Variants in UGT2A1 observed in about 807,000 individuals in gnomAD.
The protein encoded by UGT2A1 is UDP glucuronosyltransferase family 2 member A1 complex locus, also known as UDP-glucuronosyltransferase 2A1.
In UGT2A1, 61 loss-of-function variants were observed where a neutral mutation model predicts 45.4. That is an observed-to-expected ratio of 1.34 (90% CI 1.09 to 1.66). The LOEUF (loss-of-function observed/expected upper bound fraction) is 1.66, where lower values mean the gene tolerates loss of function less well. UGT2A1 is among the 40% of genes most tolerant of loss of function. The pLI, the probability that UGT2A1 is intolerant of heterozygous loss-of-function variation, is 0.00. For missense variants in UGT2A1, 649 were observed against 574.3 expected (o/e 1.13, Z -1.33); for synonymous variants, 229 against 196.2 (o/e 1.17, Z -1.40).
chr4:69,631,385 A>C (rs1430956142), intron 3 of UGT2A1, among the ~76,000 whole-genome samples: 1 of 152,160 alleles, frequency 6.6e-6, no homozygotes, highest in Admixed American at 6.5e-5. Context: ...ATTAGTAATA[A>C]TAATCCAAAT....
intron 2 of UGT2A1, among the ~76,000 whole-genome samples, chr4:69,638,510 A>T (rs1721847830): frequency 6.6e-6 from 1 of 152,146 alleles, no homozygotes; most frequent in African/African-American, 2.4e-5. Flanking sequence ...CTTTCTGCAG[A>T]CAAAGAAAAT....
At chr4:69,649,052 C>T (rs1289475310) in intron 1 of UGT2A1, among the ~76,000 whole-genome samples, 3 of 152,048 alleles carry the variant, frequency 2.0e-5, no homozygotes, top group Admixed American at 6.6e-5. Context: ...AAAGCGATCT[C>T]TGTGAAAATA....
Position 69,589,566 on chromosome 4 carries a change from A to G in UGT2A1, c.1390T>C (p.Phe464Leu), listed in dbSNP as rs747808890. Reference sequence around the variant, plus strand: ...TTGGCTCCTTTGTGGCGCATGACAAACTCGATCCAGAAGACTGCTCGATCC... The same window carrying G: ...TTGGCTCCTTTGTGGCGCATGACAAGCTCGATCCAGAAGACTGCTCGATCC... ...PLDRAVFWIE[F>L]VMRHKGAKHL... Residue 464 changes from phenylalanine (F) to leucine (L), a missense_variant, in exon 7 of 7, where the codon TTT becomes CTT. By Grantham distance (22) the Phe-to-Leu change is conservative. Transcript: ENST00000286604. 5 of 1,613,940 alleles carry G rather than the reference A, an allele frequency of 3.1e-6. No individual in the cohort carries two copies. In the Admixed American group the frequency reaches 5.0e-5, roughly 16 times the overall value.
intron 3 of UGT2A1, among the ~76,000 whole-genome samples, chr4:69,616,068 G>A (rs1341526409): frequency 1.3e-5 from 2 of 151,974 alleles, no homozygotes; most frequent in Non-Finnish European, 2.9e-5. Flanking sequence ...CAATAACTTG[G>A]ATGAATCTAG....
intron 3 of UGT2A1, among the ~76,000 whole-genome samples, chr4:69,623,981 CAT>C (rs1720898822): frequency 6.6e-6 from 1 of 151,558 alleles, no homozygotes; most frequent in African/African-American, 2.4e-5. Context: ...GTAACAAAAA[CAT>C]GTAATTTTCA....
In UGT2A1 at chr4:69,588,561, T is replaced by C. The variant is rs185812401; in HGVS notation, c.*811A>G. On this transcript the variant is annotated 3_prime_UTR_variant, in exon 7 of 7. Transcript: ENST00000286604. The stretch of plus-strand genomic sequence containing the variant: ...AATTATTTGTACAGTTGACTAAAAA[T>C]TTTATAAAAATGATAATTATTTTCT... 1 of 152,112 alleles carries C rather than the reference T, an allele frequency of 6.6e-6. No homozygotes were observed. The highest frequency in any genetic ancestry group is 6.6e-5 in the Admixed American group (1 of 15,260). The allele number at this position is 152,112 out of a possible 1,614,324, so 9.4% of individuals were successfully genotyped here. A position where few individuals can be genotyped will look rare whatever the true frequency, so the allele number is the denominator to read the frequency against.
At chr4:69,639,289 T>C (rs765628976) in intron 2 of UGT2A1, 21 of 1,613,628 alleles carry the variant, frequency 1.3e-5, no homozygotes, top group Non-Finnish European at 1.6e-5. Flanking sequence ...CCTAGTTCTT[T>C]GTAGAAAGCC....
chr4:69,643,384 C>T (rs201096384), intron 2 of UGT2A1, among the ~76,000 whole-genome samples: 1 of 151,612 alleles, frequency 6.6e-6, no homozygotes, highest in East Asian at 1.9e-4. Flanking sequence ...GACATCAAAG[C>T]TTTGATATGA....
intron 2 of UGT2A1, among the ~76,000 whole-genome samples, chr4:69,646,461 ATT>A (rs1414224140): frequency 2.0e-5 from 3 of 151,768 alleles, no homozygotes; most frequent in African/African-American, 7.2e-5. Context: ...GCCTTAATGT[ATT>A]TTGTTTCTTT....
intron 3 of UGT2A1, chr4:69,603,709 G>T (rs1207889428): frequency 7.3e-6 from 1 of 136,192 alleles, no homozygotes; most frequent in African/African-American, 3.0e-5. Flanking sequence ...CACCAATGAA[G>T]AAAAGCCCTT....
chr4:69,639,070 G>A (rs1295674883), intron 2 of UGT2A1: 1 of 1,613,402 alleles, frequency 6.2e-7, no homozygotes, highest in East Asian at 2.2e-5. Context: ...TTCCCACAGT[G>A]TCTCTCCACT....
chr4:69,634,139 G>A (rs1039131995), intron 3 of UGT2A1, among the ~76,000 whole-genome samples: 1 of 152,018 alleles, frequency 6.6e-6, no homozygotes, highest in South Asian at 2.1e-4. Flanking sequence ...CAGCTACTCC[G>A]GAGGCTGAGG....
intron 2 of UGT2A1, among the ~76,000 whole-genome samples, chr4:69,643,503 A>G (rs1722130014): frequency 6.6e-6 from 1 of 151,644 alleles, no homozygotes; most frequent in Non-Finnish European, 1.5e-5. Context: ...ATGAACTGCA[A>G]CAGTTCAAGG....
chr4:69,637,213 C>A (rs1304238452), intron 2 of UGT2A1, among the ~76,000 whole-genome samples: 1 of 151,998 alleles, frequency 6.6e-6, no homozygotes, highest in African/African-American at 2.4e-5. Context: ...AAATACAGAA[C>A]TATACTTGTA....
chr4:69,605,766 A>G (rs574437317), intron 3 of UGT2A1, among the ~76,000 whole-genome samples: 2 of 137,334 alleles, frequency 1.5e-5, no homozygotes, highest in South Asian at 4.7e-4. Flanking sequence ...ACAGAAATAC[A>G]AAGTACCATC....
intron 3 of UGT2A1, among the ~76,000 whole-genome samples, chr4:69,624,429 A>G (rs1340498101): frequency 6.6e-6 from 1 of 151,352 alleles, no homozygotes; most frequent in Non-Finnish European, 1.5e-5. Flanking sequence ...ATGTCTAACT[A>G]TTGGTGAGGG....
At position 69,652,325 on chromosome 4, in the gene UGT2A1, C is replaced by T. The variant is rs531050708; in HGVS notation, c.-55+863G>A. On this transcript the variant is annotated intron_variant, in intron 1 of 6. Transcript: ENST00000286604. The stretch of plus-strand genomic sequence containing the variant: ...TGAGACCAAGTTTTGCTCTTGTTGT[C>T]CAAGCTGGAGTGCAAGGGCATAATC... Among the ~76,000 whole-genome samples the T allele has an allele frequency of 6.1e-4, 66 of 108,046 alleles. 1 individual carries two copies. Among genetic ancestry groups the T allele is most frequent in the African/African-American group, 2.0e-3 (55 of 26,926 alleles). The allele number at this position is 108,046 out of a possible 152,430, so 70.9% of individuals were successfully genotyped here. A position where few individuals can be genotyped will look rare whatever the true frequency, so the allele number is the denominator to read the frequency against.
chr4:69,631,021 A>G (rs141316703), intron 3 of UGT2A1, among the ~76,000 whole-genome samples: 3 of 152,290 alleles, frequency 2.0e-5, no homozygotes, highest in South Asian at 2.1e-4. Flanking sequence ...CTCTCTAGAT[A>G]TGAAATCATC....
In UGT2A1 at chr4:69,595,178, G is replaced by A; in HGVS notation, c.1068C>T (p.Pro356=). The A allele has an allele frequency of 6.2e-7, 1 of 1,613,742 alleles. No homozygotes were observed. The highest frequency in any genetic ancestry group is 1.7e-5 in the Admixed American group (1 of 60,006). ...GNNTQLFDWI[P]QNDLLGHPKT... ...CAGTCTTACCAAGAAGATCATTCTG[G>A]GGTATCCAATCAAAGAGCTGAGTAT... Residue 356 remains proline, a synonymous_variant, in exon 5 of 7, where the codon CCC becomes CCT. Transcript: ENST00000286604.
Sources: allele counts gnomAD v4.1 joint callset (sites outside exome capture counted in the v4.1 genomes callset), GRCh38; gene constraint gnomAD v4.1.1; transcripts MANE v1.5; gene names NCBI Gene and HGNC (gene_info 2026-07-23, HGNC 2026-07-21).